The following GRIK5 variants were observed in gnomAD, a reference collection of about 807,000 sequenced individuals.
GRIK5 encodes the protein glutamate receptor ionotropic, kainate 5.
In GRIK5, 43 loss-of-function variants were observed where a neutral mutation model predicts 97.4. That is an observed-to-expected ratio of 0.44 (90% CI 0.35 to 0.57). The LOEUF is 0.57. Ranked by LOEUF, GRIK5 falls within the 20% of genes least tolerant of loss-of-function variation. The pLI is 0.01. For missense variants in GRIK5, 1,015 were observed against 1,382.0 expected (o/e 0.73, Z 4.21); for synonymous variants, 580 against 583.5 (o/e 0.99, Z 0.09).
Position 42,065,766 on chromosome 19 carries a change from G to A in GRIK5, c.5C>T (p.Pro2Leu), listed in dbSNP as rs544119700. M[P>L]AELLLLLIVA... Reference sequence around the variant, plus strand: ...AATCAGCAGCAGCAGCAGCTCAGCCGGCATCTTCCTCCCCTCCTCATGGGG... The same window carrying A: ...AATCAGCAGCAGCAGCAGCTCAGCCAGCATCTTCCTCCCCTCCTCATGGGG... Residue 2 changes from proline to leucine, a missense_variant, in exon 2 of 20, where the codon CCG becomes CTG. By Grantham distance (98) the Pro-to-Leu change is moderately conservative (BLOSUM62 -3). Around this residue, in one of 5 missense-constraint regions of GRIK5, gnomAD observed 198 missense variants for 218.2 expected, o/e 0.91. Coordinates refer to ENST00000593562, the MANE Select transcript of GRIK5 (RefSeq NM_002088.5). The surrounding 1 kb of genome is among the most constrained non-coding windows in gnomAD (Gnocchi z 5.8). The A allele has an allele frequency of 2.0e-5, 32 of 1,581,592 alleles. No individual in the cohort carries two copies. The highest frequency in any genetic ancestry group is 5.4e-5 in the Admixed American group (3 of 56,074).
chr19:42,003,573 C>T lies in GRIK5; in HGVS notation c.2374G>A (p.Glu792Lys), dbSNP rs1324640104. Residue 792 changes from glutamate (E) to lysine (K), a missense_variant, in exon 18 of 20, where the codon GAG (glutamate) becomes AAG (lysine). Glu to Lys is a moderately conservative substitution (Grantham distance 56). Coordinates refer to ENST00000593562, the MANE Select transcript of GRIK5 (RefSeq NM_002088.5). The surrounding 1 kb of genome is among the most constrained non-coding windows in gnomAD (Gnocchi z 4.2). ...AACTGACCTTTAGCTCGATGGTCCT[C>T]CTCCTTGGGGCACCGGCCCCCCTCC... ...WWEGGRCPKE[E>K]DHRAKGLGME... The T allele has an allele frequency of 6.2e-7, 1 of 1,612,206 alleles. No homozygotes were observed. Among genetic ancestry groups the T allele is most frequent in the African/African-American group, 1.3e-5 (1 of 74,902 alleles).
In GRIK5 at chr19:42,002,868, T is replaced by C. The variant is rs1372120622; in HGVS notation, c.2514+464A>G. Among the ~76,000 whole-genome samples, 11 of 152,246 alleles carry C rather than the reference T, an allele frequency of 7.2e-5. No individual in the cohort carries two copies. The highest frequency in any genetic ancestry group is 3.9e-4 in the Admixed American group (6 of 15,306). On this transcript the variant is annotated intron_variant, in intron 19 of 19. Transcript: ENST00000593562. The surrounding 1 kb of genome is among the most constrained non-coding windows in gnomAD (Gnocchi z 5.2). Reference sequence around the variant, plus strand: ...CTCCCATCTCAGCCTCCCGAGTAGCTGGGATTACAGGTGTGCACCACCATG... The same window carrying C: ...CTCCCATCTCAGCCTCCCGAGTAGCCGGGATTACAGGTGTGCACCACCATG...
At chr19:42,000,454 G>A (rs1555870688) in intron 19 of GRIK5, among the ~76,000 whole-genome samples, 1 of 152,204 alleles carries the variant, frequency 6.6e-6, no homozygotes, top group African/African-American at 2.4e-5. Context: ...AATAGTGAAA[G>A]AAAGCTCCAA....
At chr19:42,050,698 G>T (rs1044483108) in intron 11 of GRIK5, among the ~76,000 whole-genome samples, 4 of 151,732 alleles carry the variant, frequency 2.6e-5, no homozygotes, top group African/African-American at 9.7e-5. Context: ...TAGAGGCAAC[G>T]TGGTGCAAAA....
At chr19:42,017,937 G>A (rs1192137818) in intron 15 of GRIK5, among the ~76,000 whole-genome samples, 1 of 152,134 alleles carries the variant, frequency 6.6e-6, no homozygotes, top group African/African-American at 2.4e-5. Flanking sequence ...AATGGAAACA[G>A]GGAGGTCAGA....
chr19:42,015,752 C>T (rs1323875591), intron 15 of GRIK5, among the ~76,000 whole-genome samples: 1 of 152,180 alleles, frequency 6.6e-6, no homozygotes, highest in Non-Finnish European at 1.5e-5. Context: ...CCAGAGCAAC[C>T]ACTTGTCTTA....
At chr19:42,004,554 G>T (rs2075462982) in intron 17 of GRIK5, among the ~76,000 whole-genome samples, 1 of 152,146 alleles carries the variant, frequency 6.6e-6, no homozygotes, top group Non-Finnish European at 1.5e-5. Context: ...CCCACCTGAG[G>T]CAAGTGTTTC....
rs782076482 is a variant in GRIK5, at chr19:42,003,699, AG to A, written c.2264-17del. The A allele has an allele frequency of 3.1e-6, 5 of 1,600,424 alleles. No homozygotes were observed. Among genetic ancestry groups the A allele is most frequent in the South Asian group, 2.3e-5 (2 of 88,202 alleles). On this transcript the variant is annotated splice_polypyrimidine_tract_variant and intron_variant, in intron 17 of 19. Transcript: ENST00000593562. The surrounding 1 kb of genome is among the most constrained non-coding windows in gnomAD (Gnocchi z 4.2). ...AACGGGGAGCCTGGGCAGGCACACG[AG>A]GGGCTGGACCAGCCATCGGGCCCTG...
chr19:42,022,466 GA>G lies in GRIK5; in HGVS notation c.1474-113del. On this transcript the variant is annotated intron_variant, in intron 12 of 19. Coordinates refer to ENST00000593562, the MANE Select transcript of GRIK5 (RefSeq NM_002088.5). The surrounding 1 kb of genome is among the most constrained non-coding windows in gnomAD (Gnocchi z 4.2). ...GCAACTGAGGGAGGCGAGAGAGAGA[GA>G]GGTAGGGAGGGGGAGGGGCCAGGAG... The G allele has an allele frequency of 1.4e-6, 2 of 1,479,204 alleles. No individual in the cohort carries two copies. Among genetic ancestry groups the G allele is most frequent in the African/African-American group, 1.4e-5 (1 of 71,910 alleles). 91.6% of individuals were successfully genotyped at this position (1,479,204 alleles called of 1,614,324 possible).
At chr19:42,027,847 T>C (rs1405956717) in intron 12 of GRIK5, among the ~76,000 whole-genome samples, 2 of 152,194 alleles carry the variant, frequency 1.3e-5, no homozygotes, top group East Asian at 1.9e-4. Flanking sequence ...TTTTTGTTTT[T>C]GAGACAGGGT....
intron 12 of GRIK5, among the ~76,000 whole-genome samples, chr19:42,025,169 A>G (rs1302516267): frequency 1.3e-5 from 2 of 152,118 alleles, no homozygotes; most frequent in Admixed American, 6.5e-5. Flanking sequence ...TTGCATGCAC[A>G]CAGCACTTAC....
chr19:42,065,695 T>A lies in GRIK5; in HGVS notation c.76A>T (p.Met26Leu). 1 of 1,587,150 alleles carries A rather than the reference T, an allele frequency of 6.3e-7. No homozygotes were observed. Among genetic ancestry groups the A allele is most frequent in the Non-Finnish European group, 8.6e-7 (1 of 1,168,512 alleles). ...PSCQVLSSLR[M>L]AAILDDQTVC... ...GCAGGGTGCGGGAGGGCCTCACCCA[T>A]GCGCAGTGATGAGAGCACCTGGCAG... Residue 26 changes from methionine to leucine, a missense_variant, in exon 2 of 20, where the codon ATG (methionine) becomes TTG (leucine). This residue lies in a region of GRIK5 where 198 missense variants were observed against 218.2 expected (regional missense o/e 0.91). Transcript: ENST00000593562. The surrounding 1 kb of genome is among the most constrained non-coding windows in gnomAD (Gnocchi z 5.8).
At chr19:42,034,749 A>C (rs2146086837) in intron 12 of GRIK5, among the ~76,000 whole-genome samples, 1 of 151,520 alleles carries the variant, frequency 6.6e-6, no homozygotes, top group African/African-American at 2.4e-5. Context: ...CTTGTCTAAA[A>C]CAGCATCCAC....
chr19:42,027,033 C>T (rs10408650), intron 12 of GRIK5, among the ~76,000 whole-genome samples: 7,172 of 152,242 alleles, frequency 0.047, 229 homozygotes, highest in Non-Finnish European at 0.067. Flanking sequence ...CAGCCTCATC[C>T]CCTACCATCT....
chr19:42,005,746 C>G lies in GRIK5; in HGVS notation c.2240G>C (p.Gly747Ala). The change falls in exon 17 of 20, where the codon GGC becomes GCC. Residue 747 changes from glycine (G) to alanine (A), a missense_variant. Gly to Ala is a moderately conservative substitution (Grantham distance 60). This residue lies in a region of GRIK5 where 229 missense variants were observed against 341.0 expected (regional missense o/e 0.67). Transcript: ENST00000593562. ...TQIGGLLDTK[G>A]YGIGMPLGSP... is the part of the protein sequence containing the mutation. ...ACCCAGCGGCATGCCAATGCCGTAG[C>G]CCTTGGTGTCGAGGAGTCCCCCGAT... is the stretch of plus-strand genomic sequence containing the variant. The G allele has an allele frequency of 1.2e-6, 2 of 1,612,578 alleles. No homozygotes were observed. Among genetic ancestry groups the G allele is most frequent in the Non-Finnish European group, 1.7e-6 (2 of 1,178,598 alleles).
Position 42,065,310 on chromosome 19 carries a change from C to T in GRIK5, c.157G>A (p.Gly53Arg), listed in dbSNP as rs946029446. ...ALALAREQIN[G>R]IIEVPAKARV... ...GCCTTGGCTGGGACCTCGATGATCC[C>T]GTTGATCTGCTCCCGGGCCAAGGCC... Residue 53 changes from glycine (G) to arginine (R), a missense_variant, in exon 3 of 20, where the codon GGG (glycine) becomes AGG (arginine). By Grantham distance (125) the Gly-to-Arg change is moderately radical (BLOSUM62 -2). Coordinates refer to ENST00000593562, the MANE Select transcript of GRIK5 (RefSeq NM_002088.5). The surrounding 1 kb of genome is among the most constrained non-coding windows in gnomAD (Gnocchi z 5.8). 18 of 1,612,814 alleles carry T rather than the reference C, an allele frequency of 1.1e-5. No individual in the cohort carries two copies. The highest frequency in any genetic ancestry group is 4.4e-5 in the South Asian group (4 of 91,036).
At chr19:42,011,561 A>G (rs2075563157) in intron 15 of GRIK5, among the ~76,000 whole-genome samples, 1 of 152,074 alleles carries the variant, frequency 6.6e-6, no homozygotes. Flanking sequence ...TCAAAAAAAA[A>G]AAAAAAAAGT....
rs775632270 is a variant in GRIK5 at position 42,056,687 on chromosome 19, T to C, written c.878A>G (p.Glu293Gly). 1 of 1,613,880 alleles carries C rather than the reference T, an allele frequency of 6.2e-7. No individual in the cohort carries two copies. The highest frequency in any genetic ancestry group is 1.1e-5 in the South Asian group (1 of 91,072). Residue 293 changes from glutamate (E) to glycine (G), a missense_variant, in exon 8 of 20, where the codon GAA becomes GGA. Glu to Gly is a moderately conservative substitution (Grantham distance 98, BLOSUM62 -2). This residue lies in a region of GRIK5 where 477 missense variants were observed against 701.1 expected (regional missense o/e 0.68). Coordinates refer to ENST00000593562, the MANE Select transcript of GRIK5 (RefSeq NM_002088.5). ...SLNMSWRENC[E>G]ASTYLGPALS... ...CGCAGGGCCCAGGTAGGTGCTGGCT[T>C]CACAGTTCTCCCTCCAGGACATGTT...
intron 11 of GRIK5, among the ~76,000 whole-genome samples, chr19:42,046,519 A>C (rs1456625582): frequency 6.6e-6 from 1 of 152,228 alleles, no homozygotes; most frequent in Non-Finnish European, 1.5e-5. Flanking sequence ...ACGCAGGTCC[A>C]AGAAAGTCAG....
Sources: allele counts gnomAD v4.1 joint callset (sites outside exome capture counted in the v4.1 genomes callset), GRCh38; gene constraint gnomAD v4.1.1; regional missense constraint gnomAD v4.1.1; non-coding constraint Gnocchi (gnomAD v3.1); transcripts MANE v1.5; gene names NCBI Gene and HGNC (gene_info 2026-07-23, HGNC 2026-07-21).